The following PTPRD variants were observed in gnomAD, a reference collection of about 807,000 sequenced individuals.
The protein encoded by PTPRD is receptor-type tyrosine-protein phosphatase delta.
In PTPRD, 34 loss-of-function variants were observed where a neutral mutation model predicts 214.5. The ratio of observed to expected loss-of-function variants is 0.16; its 90% CI spans 0.12 to 0.21. The LOEUF (loss-of-function observed/expected upper bound fraction) is 0.21, where lower values mean the gene tolerates loss of function less well. Ranked by LOEUF, PTPRD falls within the 10% of genes least tolerant of loss-of-function variation. PTPRD has a pLI of 1.00. For synonymous variants in PTPRD, 1,128 were observed against 845.7 expected (o/e 1.33, Z -5.79); for missense variants, 2,545 against 2,398.7 (o/e 1.06, Z -1.27).
At chr9:9,467,213 CT>C (rs35659936) in intron 8 of PTPRD, among the ~76,000 whole-genome samples, 1,350 of 92,880 alleles carry the variant, frequency 0.015, 12 homozygotes, top group Middle Eastern at 0.036. Context: ...GTTCATTTAT[CT>C]TTTTTTTTTT....
At position 9,028,966 on chromosome 9, in the gene PTPRD, G is replaced by A. The variant is rs371290903; in HGVS notation, c.-142-10231C>T. ...ATAGAGTATTTTGTAGAGCTGCGTT[G>A]TCCAATATGGTAGCCACTAGTCACA... On this transcript the variant is annotated intron_variant, in intron 10 of 45. Transcript: ENST00000381196. Among the ~76,000 whole-genome samples the A allele has an allele frequency of 4.6e-5, 7 of 151,996 alleles. No individual in the cohort carries two copies. The East Asian group carries it at 7.7e-4, about 17-fold the overall frequency.
chr9:10,509,153 A>G (rs2047095857), intron 2 of PTPRD, among the ~76,000 whole-genome samples: 1 of 152,016 alleles, frequency 6.6e-6, no homozygotes, highest in African/African-American at 2.4e-5. Context: ...GTAAACTTTG[A>G]CCTACTTATA....
At chr9:8,829,772 C>G (rs917652603) in intron 11 of PTPRD, among the ~76,000 whole-genome samples, 5 of 152,184 alleles carry the variant, frequency 3.3e-5, no homozygotes, top group African/African-American at 1.2e-4. Flanking sequence ...GGACAAACAG[C>G]TCAGTCTACC....
At chr9:8,574,958 G>A (rs912043680) in intron 14 of PTPRD, among the ~76,000 whole-genome samples, 1 of 151,938 alleles carries the variant, frequency 6.6e-6, no homozygotes, top group Non-Finnish European at 1.5e-5. Context: ...TATAAATAAA[G>A]ACAAATAAAA....
chr9:10,612,020 CAGG>C (rs1176258923), intron 2 of PTPRD, among the ~76,000 whole-genome samples: 1 of 148,806 alleles, frequency 6.7e-6, no homozygotes, highest in Non-Finnish European at 1.5e-5. Context: ...TTGAAGGTGG[CAGG>C]AGAAGTGAGC....
chr9:9,275,147 A>ATATAT (rs1436701700), intron 9 of PTPRD, among the ~76,000 whole-genome samples: 27 of 53,092 alleles, frequency 5.1e-4, no homozygotes, highest in Middle Eastern at 8.6e-3. Context: ...ATATATATAT[A>ATATAT]ATATATTATA....
chr9:9,658,968 AC>A (rs2096573251), intron 7 of PTPRD, among the ~76,000 whole-genome samples: 1 of 152,136 alleles, frequency 6.6e-6, no homozygotes, highest in Non-Finnish European at 1.5e-5. Context: ...AAGAAGTAGA[AC>A]ACAAACTATC....
chr9:9,490,011 A>G (rs1263073435), intron 8 of PTPRD, among the ~76,000 whole-genome samples: 1 of 152,092 alleles, frequency 6.6e-6, no homozygotes, highest in African/African-American at 2.4e-5. Flanking sequence ...GGAGCAAGAG[A>G]AAAGCAACTT....
chr9:8,854,904 CTTGT>C lies in PTPRD; in HGVS notation c.-103-120962_-103-120959del, dbSNP rs796410322. ...TAAAGAAAAGTTATTAATGTTCCTTCTTGTTTATCTTTGTCATACACTGAGAACT... is the reference window on the plus strand; with the variant it reads ...TAAAGAAAAGTTATTAATGTTCCTTCTTATCTTTGTCATACACTGAGAACT... On this transcript the variant is annotated intron_variant, in intron 11 of 45. Transcript: ENST00000381196. Among the ~76,000 whole-genome samples the C allele has an allele frequency of 7.9e-5, 12 of 152,218 alleles. 1 individual carries two copies. The highest frequency in any genetic ancestry group is 2.4e-4 in the African/African-American group (10 of 41,542).
intron 21 of PTPRD, among the ~76,000 whole-genome samples, chr9:8,513,899 A>G (rs1356499376): frequency 1.3e-5 from 2 of 152,084 alleles, no homozygotes; most frequent in East Asian, 1.9e-4. Context: ...ACATCACTAT[A>G]TATCTTCTCA....
chr9:9,052,613 G>A (rs79007097), intron 10 of PTPRD, among the ~76,000 whole-genome samples: 7,078 of 152,170 alleles, frequency 0.047, 494 homozygotes, highest in African/African-American at 0.15. Flanking sequence ...AAATTATAAG[G>A]CCTGGACTTG....
intron 9 of PTPRD, among the ~76,000 whole-genome samples, chr9:9,355,446 A>T (rs945410560): frequency 1.3e-5 from 2 of 151,660 alleles, no homozygotes; most frequent in African/African-American, 2.4e-5. Context: ...CATTTTTTAT[A>T]TATTGGAATG....
At chr9:9,205,276 A>G (rs1269570083) in intron 9 of PTPRD, among the ~76,000 whole-genome samples, 1 of 152,186 alleles carries the variant, frequency 6.6e-6, no homozygotes, top group African/African-American at 2.4e-5. Flanking sequence ...AATTCAGACA[A>G]CTTAAACCAG....
chr9:8,527,677 A>G (rs1272335555), intron 15 of PTPRD, among the ~76,000 whole-genome samples: 3 of 152,140 alleles, frequency 2.0e-5, no homozygotes, highest in Admixed American at 1.3e-4. Context: ...ATTATTATAT[A>G]TCCCTGTGAA....
intron 8 of PTPRD, among the ~76,000 whole-genome samples, chr9:9,441,809 A>G (rs1428523181): frequency 2.0e-5 from 3 of 152,222 alleles, no homozygotes; most frequent in Admixed American, 2.0e-4. Context: ...TTACCACTCA[A>G]GCTTTGCAGA....
rs138546876 is a variant in PTPRD, at chr9:9,394,453, A to G, written c.-203+2996T>C. On this transcript the variant is annotated intron_variant, in intron 9 of 45. Transcript: ENST00000381196. ...ACAACTGATTGGAAGTTTACAGGAC[A>G]TGTATTGTGTAGCCAGAATATCTGA... 4.4e-3 allele frequency among the ~76,000 whole-genome samples: 673 copies of G among 152,306 alleles called. 3 individuals are homozygous for G. The highest frequency in any genetic ancestry group is 0.015 in the African/African-American group (624 of 41,584).
chr9:9,621,327 G>T (rs868758005), intron 7 of PTPRD, among the ~76,000 whole-genome samples: 6 of 152,022 alleles, frequency 3.9e-5, no homozygotes, highest in African/African-American at 7.2e-5. Flanking sequence ...TTCCTGAAGG[G>T]TGCTGCTTGA....
intron 5 of PTPRD, among the ~76,000 whole-genome samples, chr9:9,907,281 C>A (rs2077850570): frequency 1.3e-5 from 2 of 152,022 alleles, no homozygotes; most frequent in South Asian, 4.1e-4. Context: ...ATATAAGCAT[C>A]ATTGCACAAA....
intron 3 of PTPRD, among the ~76,000 whole-genome samples, chr9:10,160,491 T>A (rs1483784769): frequency 6.6e-6 from 1 of 151,972 alleles, no homozygotes; most frequent in Non-Finnish European, 1.5e-5. Context: ...ATGGTTATTT[T>A]AATAGATACC....
Sources: gnomAD v4.1 joint callset for allele counts (sites outside exome capture counted in the v4.1 genomes callset) on GRCh38, gnomAD v4.1.1 for gene constraint, MANE v1.5 for transcripts, NCBI Gene and HGNC (gene_info 2026-07-23, HGNC 2026-07-21) for gene names.